CTNNA3: variants seen among roughly 807,000 people sequenced by gnomAD.
The protein encoded by CTNNA3 is catenin alpha 3.
CTNNA3 carries 76 observed loss-of-function variants against 95.7 expected under a neutral mutation model. The observed-to-expected ratio is 0.79, with a 90% CI of 0.66 to 0.96. CTNNA3 has a LOEUF of 0.96. CTNNA3 is among the 40% of genes least tolerant of loss of function. CTNNA3 has a pLI of 0.00. For synonymous variants in CTNNA3, 431 were observed against 374.4 expected (o/e 1.15, Z -1.74); for missense variants, 1,191 against 1,089.8 (o/e 1.09, Z -1.31).
intron 5 of CTNNA3, among the ~76,000 whole-genome samples, chr10:67,495,341 A>G (rs1231804616): frequency 6.6e-6 from 1 of 152,164 alleles, no homozygotes; most frequent in Non-Finnish European, 1.5e-5. Flanking sequence ...ACACTATCCC[A>G]GAACTAAAAA....
At chr10:67,608,848 T>C (rs1397932818) in intron 2 of CTNNA3, among the ~76,000 whole-genome samples, 5 of 152,072 alleles carry the variant, frequency 3.3e-5, no homozygotes, top group East Asian at 1.9e-4. Flanking sequence ...CCTAGCACTC[T>C]GGGAGGCCGA....
At chr10:67,679,411 T>C (rs976937225) in intron 1 of CTNNA3, among the ~76,000 whole-genome samples, 14 of 152,162 alleles carry the variant, frequency 9.2e-5, no homozygotes, top group Non-Finnish European at 1.6e-4. Context: ...CATGCACATA[T>C]TATCACAGAA....
At chr10:66,490,404 A>T (rs1481131011) in intron 11 of CTNNA3, among the ~76,000 whole-genome samples, 1 of 152,184 alleles carries the variant, frequency 6.6e-6, no homozygotes, top group Non-Finnish European at 1.5e-5. Context: ...TTGTTCTCTC[A>T]ATTTGTAATG....
At chr10:66,614,769 A>G (rs1004644288) in intron 10 of CTNNA3, among the ~76,000 whole-genome samples, 20 of 152,044 alleles carry the variant, frequency 1.3e-4, no homozygotes, top group African/African-American at 4.8e-4. Flanking sequence ...CTCAAACTAG[A>G]CCGTGATTGG....
chr10:66,022,598 GACACAC>G lies in CTNNA3; in HGVS notation c.2160-33807_2160-33802del, dbSNP rs34537265. ...AGCATGACACCCAGGATATGCACAT[GACACAC>G]ACACACACACACACACACACACACA... On this transcript the variant is annotated intron_variant, in intron 15 of 17. Coordinates refer to ENST00000433211, the MANE Select transcript of CTNNA3 (RefSeq NM_013266.4). Among the ~76,000 whole-genome samples the G allele has an allele frequency of 3.9e-3, 590 of 149,470 alleles. 2 individuals are homozygous for G. The highest frequency in any genetic ancestry group is 0.026 in the East Asian group (129 of 5,024).
At chr10:67,294,870 C>T (rs1839975050) in intron 5 of CTNNA3, among the ~76,000 whole-genome samples, 1 of 152,110 alleles carries the variant, frequency 6.6e-6, no homozygotes, top group Non-Finnish European at 1.5e-5. Context: ...AATTTTTGTT[C>T]AGTAATTGGT....
intron 11 of CTNNA3, among the ~76,000 whole-genome samples, chr10:66,460,515 C>G (rs905642064): frequency 1.3e-5 from 2 of 152,104 alleles, no homozygotes; most frequent in African/African-American, 2.4e-5. Context: ...CATGCTTGTT[C>G]TAGAAGGTTT....
At chr10:66,501,277 T>C (rs191718257) in intron 11 of CTNNA3, among the ~76,000 whole-genome samples, 2 of 152,254 alleles carry the variant, frequency 1.3e-5, no homozygotes, top group East Asian at 3.9e-4. Context: ...GAGCTACTAA[T>C]TGCCAATATA....
intron 12 of CTNNA3, among the ~76,000 whole-genome samples, chr10:66,366,083 T>G (rs7914106): frequency 0.097 from 14,697 of 152,190 alleles, 934 homozygotes; most frequent in Middle Eastern, 0.18. Flanking sequence ...TAGGGAGATT[T>G]GCTATGCAGC....
rs1300166562 is a variant in CTNNA3, at chr10:66,979,220, G to A, written c.1047+201097C>T. ...TGACCTCTAGCGATCTGCCTGCCTC[G>A]GCCTCCCAAAGTGCTGGGATTACAG... On this transcript the variant is annotated intron_variant, in intron 7 of 17. Coordinates refer to ENST00000433211, the MANE Select transcript of CTNNA3 (RefSeq NM_013266.4). Among the ~76,000 whole-genome samples the A allele has an allele frequency of 4.0e-5, 6 of 151,656 alleles. No homozygotes were observed. The East Asian group carries it at 7.7e-4, about 20-fold the overall frequency.
chr10:67,412,345 C>G (rs1053058836), intron 5 of CTNNA3, among the ~76,000 whole-genome samples: 1 of 151,984 alleles, frequency 6.6e-6, no homozygotes, highest in African/African-American at 2.4e-5. Context: ...AACAAAACAT[C>G]TGAGAAATAT....
intron 1 of CTNNA3, among the ~76,000 whole-genome samples, chr10:67,664,729 T>G (rs1840287555): frequency 6.6e-6 from 1 of 152,116 alleles, no homozygotes; most frequent in Non-Finnish European, 1.5e-5. Context: ...AAATAAAGAG[T>G]CATTCTAGGT....
chr10:65,952,909 G>C (rs1279581857), intron 17 of CTNNA3, among the ~76,000 whole-genome samples: 2 of 152,124 alleles, frequency 1.3e-5, no homozygotes, highest in African/African-American at 4.8e-5. Flanking sequence ...CAGGCTAAGA[G>C]AACGTGATTA....
At chr10:67,548,822 A>C (rs1270475742) in intron 3 of CTNNA3, among the ~76,000 whole-genome samples, 1 of 152,056 alleles carries the variant, frequency 6.6e-6, no homozygotes, top group Non-Finnish European at 1.5e-5. Flanking sequence ...AAAAGACAAC[A>C]CACAGAATGG....
chr10:67,130,594 T>C (rs747472362), intron 7 of CTNNA3, among the ~76,000 whole-genome samples: 44 of 152,090 alleles, frequency 2.9e-4, no homozygotes, highest in East Asian at 3.9e-4. Flanking sequence ...ATATACTCAA[T>C]ACAAGGGCCT....
At chr10:67,653,216 G>A (rs768731534) in intron 1 of CTNNA3, among the ~76,000 whole-genome samples, 33 of 152,082 alleles carry the variant, frequency 2.2e-4, no homozygotes, top group Admixed American at 2.2e-3. Flanking sequence ...CTTTTAAACA[G>A]CCAGATCTCT....
intron 5 of CTNNA3, among the ~76,000 whole-genome samples, chr10:67,269,342 T>C (rs938979494): frequency 6.6e-6 from 1 of 152,174 alleles, no homozygotes; most frequent in African/African-American, 2.4e-5. Flanking sequence ...TTTATATTAA[T>C]AGATAATAAT....
chr10:66,685,347 ATATATTTTTT>A (rs1847249753), intron 9 of CTNNA3, among the ~76,000 whole-genome samples: 3 of 48,572 alleles, frequency 6.2e-5, no homozygotes, highest in East Asian at 4.7e-4. Context: ...ATATATATAT[ATATATTTTTT>A]TTTTTTTTTT....
intron 2 of CTNNA3, among the ~76,000 whole-genome samples, chr10:67,641,522 A>G (rs924141155): frequency 2.6e-5 from 4 of 152,216 alleles, no homozygotes; most frequent in African/African-American, 9.6e-5. Context: ...TACCCAAAGG[A>G]TTATAAATCA....
Sources: gnomAD v4.1 joint callset for allele counts (sites outside exome capture counted in the v4.1 genomes callset) on GRCh38, gnomAD v4.1.1 for gene constraint, MANE v1.5 for transcripts, NCBI Gene and HGNC (gene_info 2026-07-23, HGNC 2026-07-21) for gene names.